MSRA: variants seen among roughly 807,000 people sequenced by gnomAD.
The protein encoded by MSRA is methionine sulfoxide reductase A.
In MSRA, 54 loss-of-function variants were observed where a neutral mutation model predicts 31.3. The ratio of observed to expected loss-of-function variants is 1.73; its 90% CI spans 1.39 to 2.17. MSRA has a LOEUF of 2.17. Ranked by LOEUF, MSRA falls within the 30% of genes most tolerant of loss-of-function variation. The pLI, the probability that MSRA is intolerant of heterozygous loss-of-function variation, is 0.00. For synonymous variants in MSRA, 169 were observed against 116.5 expected, an observed-to-expected ratio of 1.45 and a Z score of -2.90; for missense variants, 507 against 300.9, an observed-to-expected ratio of 1.69 and a Z score of -5.07.
chr8:10,198,926 A>G (rs1237262717), intron 1 of MSRA, among the ~76,000 whole-genome samples: 3 of 152,164 alleles, frequency 2.0e-5, no homozygotes, highest in Non-Finnish European at 4.4e-5. Context: ...AGTGTAGGAG[A>G]AAGCTTGTCT....
At chr8:10,414,515 A>G (rs531897278) in intron 5 of MSRA, among the ~76,000 whole-genome samples, 20 of 152,112 alleles carry the variant, frequency 1.3e-4, no homozygotes, top group Non-Finnish European at 2.1e-4. Flanking sequence ...GGCAGCCAAG[A>G]CACTTGGCCA....
intron 1 of MSRA, among the ~76,000 whole-genome samples, chr8:10,140,120 G>A (rs977245966): frequency 6.6e-6 from 1 of 152,232 alleles, no homozygotes; most frequent in Non-Finnish European, 1.5e-5. Flanking sequence ...CAGATGTGGA[G>A]GAGTGTGGTG....
At chr8:10,101,923 G>C (rs1257306629) in intron 1 of MSRA, among the ~76,000 whole-genome samples, 1 of 152,084 alleles carries the variant, frequency 6.6e-6, no homozygotes, top group African/African-American at 2.4e-5. Flanking sequence ...ATTCTGGGTT[G>C]ACAATTTCTT....
intron 1 of MSRA, among the ~76,000 whole-genome samples, chr8:10,175,350 C>T (rs190787839): frequency 7.9e-5 from 12 of 152,276 alleles, no homozygotes; most frequent in East Asian, 3.9e-4. Flanking sequence ...GTCTTATCTC[C>T]GCAATTGGAA....
intron 5 of MSRA, among the ~76,000 whole-genome samples, chr8:10,387,754 A>G (rs1806483775): frequency 2.6e-5 from 4 of 152,226 alleles, no homozygotes; most frequent in Non-Finnish European, 5.9e-5. Flanking sequence ...TTTCTCCTGT[A>G]GTTCATCTTT....
intron 2 of MSRA, among the ~76,000 whole-genome samples, chr8:10,215,655 A>G (rs951896959): frequency 4.6e-5 from 7 of 152,234 alleles, no homozygotes; most frequent in African/African-American, 1.7e-4. Flanking sequence ...AGCCCATGTT[A>G]TTAAACTCTC....
chr8:10,180,463 C>A (rs1008704207), intron 1 of MSRA, among the ~76,000 whole-genome samples: 1 of 152,084 alleles, frequency 6.6e-6, no homozygotes, highest in African/African-American at 2.4e-5. Context: ...AAATCACTGG[C>A]CTCTTCCCTC....
chr8:10,253,945 G>A (rs779826457), intron 3 of MSRA, among the ~76,000 whole-genome samples: 3 of 151,988 alleles, frequency 2.0e-5, no homozygotes, highest in African/African-American at 4.8e-5. Context: ...AGAAAAACAC[G>A]GTTGCTCGTC....
At chr8:10,159,008 C>T (rs2129041080) in intron 1 of MSRA, among the ~76,000 whole-genome samples, 1 of 152,242 alleles carries the variant, frequency 6.6e-6, no homozygotes, top group East Asian at 1.9e-4. Flanking sequence ...ATGGCATGAT[C>T]TCATTTAGAT....
chr8:10,277,856 G>C (rs548114456), intron 3 of MSRA, among the ~76,000 whole-genome samples: 1 of 151,888 alleles, frequency 6.6e-6, no homozygotes, highest in South Asian at 2.1e-4. Flanking sequence ...GAAAGTTCAT[G>C]TTGTATATCA....
intron 2 of MSRA, among the ~76,000 whole-genome samples, chr8:10,239,140 G>A (rs1238444348): frequency 1.3e-5 from 2 of 152,096 alleles, no homozygotes. Context: ...CTCAACCTCA[G>A]TGGTGATTAG....
intron 5 of MSRA, among the ~76,000 whole-genome samples, chr8:10,364,750 G>C (rs905164173): frequency 6.6e-6 from 1 of 152,200 alleles, no homozygotes; most frequent in Non-Finnish European, 1.5e-5. Flanking sequence ...GGGCGTGCCA[G>C]ATATCACGTG....
intron 2 of MSRA, among the ~76,000 whole-genome samples, chr8:10,236,246 A>G (rs1163118278): frequency 6.6e-6 from 1 of 152,194 alleles, no homozygotes; most frequent in Non-Finnish European, 1.5e-5. Flanking sequence ...ATTGTATGGA[A>G]GGTCCTAGGC....
chr8:10,257,022 T>C (rs1798220355), intron 3 of MSRA, among the ~76,000 whole-genome samples: 1 of 152,246 alleles, frequency 6.6e-6, no homozygotes, highest in African/African-American at 2.4e-5. Context: ...TAAAAATATA[T>C]TGTACCCAGC....
At chr8:10,247,468 A>T (rs1219883864) in intron 3 of MSRA, among the ~76,000 whole-genome samples, 6 of 152,140 alleles carry the variant, frequency 3.9e-5, no homozygotes, top group African/African-American at 1.4e-4. Flanking sequence ...ATTTTTAATT[A>T]TATTAGTGTG....
intron 1 of MSRA, among the ~76,000 whole-genome samples, chr8:10,201,093 G>A (rs1808458318): frequency 6.6e-6 from 1 of 152,126 alleles, no homozygotes; most frequent in South Asian, 2.1e-4. Context: ...CAGATAAGAA[G>A]AGGGACTGTG....
chr8:10,284,492 C>A (rs1055413175), intron 3 of MSRA, among the ~76,000 whole-genome samples: 1 of 152,144 alleles, frequency 6.6e-6, no homozygotes, highest in East Asian at 1.9e-4. Flanking sequence ...ACATGCCCGG[C>A]ACGGAATGAA....
intron 3 of MSRA, among the ~76,000 whole-genome samples, chr8:10,292,141 C>T (rs966513664): frequency 4.6e-5 from 7 of 152,144 alleles, no homozygotes; most frequent in African/African-American, 7.2e-5. Flanking sequence ...GTGAGGTTTC[C>T]GTAGAATTCA....
At chr8:10,312,222 A>G (rs1801470924) in intron 4 of MSRA, among the ~76,000 whole-genome samples, 1 of 152,216 alleles carries the variant, frequency 6.6e-6, no homozygotes, top group Non-Finnish European at 1.5e-5. Context: ...AAAAAAGCCA[A>G]GAGTCGATAT....
Sources: gnomAD v4.1 joint callset for allele counts (sites outside exome capture counted in the v4.1 genomes callset) on GRCh38, gnomAD v4.1.1 for gene constraint, MANE v1.5 for transcripts, NCBI Gene and HGNC (gene_info 2026-07-23, HGNC 2026-07-21) for gene names.